The following TNFSF8 variants were observed in gnomAD, a reference collection of about 807,000 sequenced individuals.
TNFSF8 encodes the protein tumor necrosis factor ligand superfamily member 8.
In TNFSF8, 4 loss-of-function variants were observed where a neutral mutation model predicts 22.0. The observed-to-expected ratio is 0.18, with a 90% CI of 0.09 to 0.42. The LOEUF is 0.42. TNFSF8 is among the 10% of genes least tolerant of loss of function. The pLI is 1.00. For synonymous variants in TNFSF8, 106 were observed against 112.5 expected (o/e 0.94, Z 0.37); for missense variants, 233 against 281.8 (o/e 0.83, Z 1.24).
intron 1 of TNFSF8, among the ~76,000 whole-genome samples, chr9:114,928,053 T>C (rs1828085436): frequency 6.6e-6 from 1 of 152,204 alleles, no homozygotes. Context: ...TGACACTTTA[T>C]ATACCACGGC....
chr9:114,928,508 A>C (rs1828091447), intron 1 of TNFSF8, among the ~76,000 whole-genome samples: 1 of 152,140 alleles, frequency 6.6e-6, no homozygotes, highest in South Asian at 2.1e-4. Context: ...CACCATCGCC[A>C]CCCATTTTTC....
intron 1 of TNFSF8, among the ~76,000 whole-genome samples, chr9:114,919,600 G>C (rs1319565559): frequency 6.6e-6 from 1 of 152,150 alleles, no homozygotes. Context: ...GCCCAGGTTG[G>C]AATCTCCTGT....
intron 2 of TNFSF8, among the ~76,000 whole-genome samples, chr9:114,909,090 T>C (rs1424385296): frequency 6.6e-6 from 1 of 152,190 alleles, no homozygotes; most frequent in Non-Finnish European, 1.5e-5. Context: ...CTCACAGAGT[T>C]GACCAGTCAG....
chr9:114,904,237 G>A lies in TNFSF8; in HGVS notation c.399C>T (p.Ile133=). The A allele has an allele frequency of 6.2e-7, 1 of 1,614,106 alleles. No homozygotes were observed. Among genetic ancestry groups the A allele is most frequent in the Non-Finnish European group, 8.5e-7 (1 of 1,179,996 alleles). ...GVRYQDGNLV[I]QFPGLYFIIC... The stretch of plus-strand genomic sequence containing the variant: ...TGATGAAGTACAAACCAGGGAATTG[G>A]ATCACCAGATTCCCATCCTGATATC... Residue 133 remains isoleucine (I), a synonymous_variant, in exon 4 of 4, where the codon ATC becomes ATT. Transcript: ENST00000223795.
chr9:114,904,421 C>G, intron 3 of TNFSF8, 96 bp from the exon 4 acceptor site: 1 of 1,481,502 alleles, frequency 6.7e-7, no homozygotes, highest in South Asian at 1.4e-5. Flanking sequence ...CATTCAAGAC[C>G]CATGTTTTCT....
At chr9:114,909,504 T>C (rs1827827158) in intron 2 of TNFSF8, among the ~76,000 whole-genome samples, 1 of 152,212 alleles carries the variant, frequency 6.6e-6, no homozygotes, top group South Asian at 2.1e-4. Context: ...GCAAAAGTAA[T>C]TGTGGTTTTG....
At chr9:114,906,017 G>A in intron 2 of TNFSF8, 118 bp from the exon 3 acceptor site, 1 of 668,888 alleles carries the variant, frequency 1.5e-6, no homozygotes, top group Non-Finnish European at 2.6e-6. Context: ...TCCATTTTCA[G>A]AATAAGGAGA....
rs1827750308 is a variant in TNFSF8, at chr9:114,903,906, C to T, written c.*25G>A. The T allele has an allele frequency of 6.3e-7, 1 of 1,582,758 alleles. No homozygotes were observed. The highest frequency in any genetic ancestry group is 8.6e-7 in the Non-Finnish European group (1 of 1,165,580). On this transcript the variant is annotated 3_prime_UTR_variant, in exon 4 of 4. Coordinates refer to ENST00000223795, the MANE Select transcript of TNFSF8 (RefSeq NM_001244.4). ...ATACTGTATGGTAGAGAGGCGCTTT[C>T]TTCCTGAAGGCCAAGAGAAACTGTT...
intron 2 of TNFSF8, among the ~76,000 whole-genome samples, chr9:114,912,563 T>TC (rs1827864979): frequency 6.6e-6 from 1 of 151,072 alleles, no homozygotes; most frequent in African/African-American, 2.4e-5. Flanking sequence ...CTAATTTTTG[T>TC]ATTTTTTTTT....
At position 114,923,522 on chromosome 9, in the gene TNFSF8, CTTT is replaced by C. The variant is rs1554778310; in HGVS notation, c.196-5387_196-5385del. On this transcript the variant is annotated intron_variant, in intron 1 of 3. Transcript: ENST00000223795. ...TCTTTCTTTCTTTCTTTCTTTCTTT[CTTT>C]TTTTTTTTTTGAGATGAAATCTCAC... Among the ~76,000 whole-genome samples the C allele has an allele frequency of 3.8e-3, 341 of 89,710 alleles. 3 individuals are homozygous for C. The highest frequency in any genetic ancestry group is 1.9e-3 in the East Asian group (4 of 2,090). The allele number at this position is 89,710 out of a possible 152,430, so 58.9% of individuals were successfully genotyped here.
chr9:114,926,554 C>G (rs1443203978), intron 1 of TNFSF8, among the ~76,000 whole-genome samples: 1 of 152,172 alleles, frequency 6.6e-6, no homozygotes, highest in Non-Finnish European at 1.5e-5. Flanking sequence ...TCACCAGGCA[C>G]AGATAAATTA....
chr9:114,901,325 CT>C lies in TNFSF8; in HGVS notation c.*2605del, dbSNP rs911671073. On this transcript the variant is annotated 3_prime_UTR_variant, in exon 4 of 4. Transcript: ENST00000223795. The stretch of plus-strand genomic sequence containing the variant: ...CAGTTGAGTTATTAATGATTATTCT[CT>C]TTTTTTGTTTGTTTGGTTACATTAT... The C allele has an allele frequency of 1.0e-6, 1 of 985,296 alleles. No homozygotes were observed. The highest frequency in any genetic ancestry group is 1.2e-6 in the Non-Finnish European group (1 of 829,902). The allele number at this position is 985,296 out of a possible 1,614,324, so 61.0% of individuals were successfully genotyped here. A position where few individuals can be genotyped will look rare whatever the true frequency, so the allele number is the denominator to read the frequency against.
At chr9:114,929,481 T>C (rs983887593) in intron 1 of TNFSF8, among the ~76,000 whole-genome samples, 8 of 152,056 alleles carry the variant, frequency 5.3e-5, no homozygotes, top group Non-Finnish European at 1.2e-4. Context: ...TGGTCTTCTC[T>C]TTCGCCTCCT....
chr9:114,929,675 G>T (rs1289653039), intron 1 of TNFSF8, among the ~76,000 whole-genome samples: 1 of 151,852 alleles, frequency 6.6e-6, no homozygotes, highest in African/African-American at 2.4e-5. Flanking sequence ...GTGTTATCAG[G>T]TTTCTCTATT....
rs1264600785 is a variant in TNFSF8, at chr9:114,930,187, G to T, written c.117C>A (p.Phe39Leu). 3.1e-6 allele frequency: 5 copies of T among 1,605,458 alleles called. No homozygotes were observed. The highest frequency in any genetic ancestry group is 2.7e-5 in the African/African-American group (2 of 74,348). ...GAGCCAGAGTGGCTGTGGTCAAATA[G>T]AAATAGCTGCGGCTCGTGGTCCCCA... ...SHLGTTSRSYFYLTTATLALC... is the reference protein window; with the variant it reads ...SHLGTTSRSYLYLTTATLALC... Residue 39 changes from phenylalanine (F) to leucine (L), a missense_variant, in exon 1 of 4, where the codon TTC (phenylalanine) becomes TTA (leucine). Coordinates refer to ENST00000223795, the MANE Select transcript of TNFSF8 (RefSeq NM_001244.4).
intron 2 of TNFSF8, among the ~76,000 whole-genome samples, chr9:114,912,690 C>A (rs968966969): frequency 1.3e-5 from 2 of 152,224 alleles, no homozygotes; most frequent in African/African-American, 4.8e-5. Flanking sequence ...TGTGGTGTTC[C>A]GCTAGGGCGG....
In TNFSF8 at chr9:114,901,170, T is replaced by C. The variant is rs1827711942; in HGVS notation, c.*2761A>G. The C allele has an allele frequency of 1.0e-6, 1 of 985,240 alleles. No individual in the cohort carries two copies. Among genetic ancestry groups the C allele is most frequent in the South Asian group, 4.7e-5 (1 of 21,294 alleles). 61.0% of individuals were successfully genotyped at this position (985,240 alleles called of 1,614,324 possible). A position where few individuals can be genotyped will look rare whatever the true frequency, so the allele number is the denominator to read the frequency against. ...TTCCCAGTTAGATAAATTATTTATTTTACTTGCATAGATATCATTTTACTC... is the reference window on the plus strand; with the variant it reads ...TTCCCAGTTAGATAAATTATTTATTCTACTTGCATAGATATCATTTTACTC... On this transcript the variant is annotated 3_prime_UTR_variant, in exon 4 of 4. Transcript: ENST00000223795.
Sources: gnomAD v4.1 joint callset for allele counts (sites outside exome capture counted in the v4.1 genomes callset) on GRCh38, gnomAD v4.1.1 for gene constraint, MANE v1.5 for transcripts, NCBI Gene and HGNC (gene_info 2026-07-23, HGNC 2026-07-21) for gene names.